Variants in FMNL2 observed in about 807,000 individuals in gnomAD.
FMNL2 encodes the protein formin like 2.
A neutral mutation model predicts 130.2 loss-of-function variants in FMNL2; 51 were observed. The observed-to-expected ratio is 0.39, with a 90% CI of 0.31 to 0.49. The LOEUF (loss-of-function observed/expected upper bound fraction) is 0.49, where lower values mean the gene tolerates loss of function less well. FMNL2 is among the 20% of genes least tolerant of loss of function. The pLI, the probability that FMNL2 is intolerant of heterozygous loss-of-function variation, is 0.85. For synonymous variants in FMNL2, 465 were observed against 467.1 expected (o/e 1.00, Z 0.06); for missense variants, 977 against 1,316.2 (o/e 0.74, Z 3.99).
At chr2:152,507,493 C>A (rs951857282) in intron 1 of FMNL2, among the ~76,000 whole-genome samples, 1 of 152,158 alleles carries the variant, frequency 6.6e-6, no homozygotes, top group Non-Finnish European at 1.5e-5. Flanking sequence ...AACAATCCTG[C>A]TATATAAAGC....
intron 1 of FMNL2, among the ~76,000 whole-genome samples, chr2:152,419,764 C>T (rs868841310): frequency 3.9e-5 from 6 of 152,136 alleles, no homozygotes; most frequent in Middle Eastern, 3.4e-3. Flanking sequence ...CCCCTGAGAC[C>T]ACCCCAGGAG....
intron 1 of FMNL2, among the ~76,000 whole-genome samples, chr2:152,385,323 A>G (rs1306266217): frequency 6.6e-6 from 1 of 152,220 alleles, no homozygotes; most frequent in African/African-American, 2.4e-5. Flanking sequence ...CATTCATAGA[A>G]GGCAGTTTGT....
intron 25 of FMNL2, chr2:152,643,520 C>G (rs1287766331): frequency 4.6e-6 from 7 of 1,535,982 alleles, no homozygotes; most frequent in Admixed American, 3.9e-5. Context: ...AACTATTACT[C>G]TTTCTCACCT....
intron 21 of FMNL2, among the ~76,000 whole-genome samples, chr2:152,634,835 G>A (rs1404981055): frequency 1.3e-5 from 2 of 152,128 alleles, no homozygotes; most frequent in Non-Finnish European, 2.9e-5. Flanking sequence ...GATTTGCTGA[G>A]CATACTTCTC....
chr2:152,616,584 G>T (rs1403112689), intron 12 of FMNL2, among the ~76,000 whole-genome samples: 1 of 151,950 alleles, frequency 6.6e-6, no homozygotes, highest in African/African-American at 2.4e-5. Context: ...CGCCCACCTT[G>T]GCCTCCCAAA....
intron 1 of FMNL2, among the ~76,000 whole-genome samples, chr2:152,404,354 A>C (rs1036673802): frequency 3.9e-5 from 6 of 152,190 alleles, no homozygotes; most frequent in Non-Finnish European, 1.5e-5. Flanking sequence ...ATCCCATAGC[A>C]TTGCAGTGGT....
At chr2:152,603,135 G>A (rs142588299) in intron 9 of FMNL2, among the ~76,000 whole-genome samples, 2 of 152,268 alleles carry the variant, frequency 1.3e-5, no homozygotes, top group Non-Finnish European at 2.9e-5. Context: ...GAAACAAAGT[G>A]GGGCTCTGGA....
intron 1 of FMNL2, among the ~76,000 whole-genome samples, chr2:152,448,217 A>C (rs1558871485): frequency 1.3e-5 from 2 of 150,752 alleles, no homozygotes; most frequent in Non-Finnish European, 1.5e-5. Context: ...AAAAAAAAAA[A>C]CACATAATAA....
In FMNL2 at chr2:152,601,593, G is replaced by A. The variant is rs142795949; in HGVS notation, c.877-5746G>A. 1.1e-3 allele frequency among the ~76,000 whole-genome samples: 157 copies of A among 147,962 alleles called. 1 individual carries two copies. In the East Asian group the frequency reaches 0.031, roughly 29 times the overall value. The stretch of plus-strand genomic sequence containing the variant: ...TGGGATTACAGGCATGAGCCACCGC[G>A]CCGGCCGATTGCTTTCTTAAAGTAT... On this transcript the variant is annotated intron_variant, in intron 9 of 25. Coordinates refer to ENST00000288670, the MANE Select transcript of FMNL2 (RefSeq NM_052905.4).
intron 1 of FMNL2, among the ~76,000 whole-genome samples, chr2:152,358,220 G>A (rs994427151): frequency 1.2e-4 from 18 of 152,116 alleles, no homozygotes; most frequent in African/African-American, 4.3e-4. Flanking sequence ...AGGGGCTCTC[G>A]GGCATTTGGC....
intron 1 of FMNL2, among the ~76,000 whole-genome samples, chr2:152,433,129 A>G (rs992270494): frequency 6.6e-6 from 1 of 152,206 alleles, no homozygotes; most frequent in African/African-American, 2.4e-5. Context: ...ACTTAATTTT[A>G]TATCACAAGA....
At chr2:152,560,044 G>T (rs1319459921) in intron 5 of FMNL2, among the ~76,000 whole-genome samples, 1 of 151,912 alleles carries the variant, frequency 6.6e-6, no homozygotes, top group East Asian at 1.9e-4. Flanking sequence ...ATGTATTATT[G>T]TTTTTTCTTC....
At chr2:152,466,148 G>A (rs1689521262) in intron 1 of FMNL2, among the ~76,000 whole-genome samples, 1 of 152,160 alleles carries the variant, frequency 6.6e-6, no homozygotes, top group Non-Finnish European at 1.5e-5. Context: ...AGAGCATATA[G>A]CAGGTGTGGT....
intron 15 of FMNL2, 48 bp downstream of exon 15, chr2:152,619,766 C>T (rs778582574): frequency 1.9e-6 from 3 of 1,573,848 alleles, no homozygotes; most frequent in Admixed American, 1.9e-5. Flanking sequence ...GAAATGCTGT[C>T]TTATCTCGGA....
intron 1 of FMNL2, among the ~76,000 whole-genome samples, chr2:152,413,245 C>T (rs1330069604): frequency 6.6e-6 from 1 of 152,002 alleles, no homozygotes; most frequent in African/African-American, 2.4e-5. Context: ...ATTTATTCAC[C>T]AGTCATTGTG....
At chr2:152,372,943 T>C (rs1683965466) in intron 1 of FMNL2, among the ~76,000 whole-genome samples, 2 of 152,254 alleles carry the variant, frequency 1.3e-5, no homozygotes, top group South Asian at 4.1e-4. Flanking sequence ...ATGAGTGCTC[T>C]GTTCTTATCG....
intron 1 of FMNL2, among the ~76,000 whole-genome samples, chr2:152,469,633 C>T (rs1317830899): frequency 6.6e-6 from 1 of 152,172 alleles, no homozygotes; most frequent in African/African-American, 2.4e-5. Context: ...CTCCTGTGTC[C>T]TTATGCTCCG....
At chr2:152,464,099 AT>A (rs1689395965) in intron 1 of FMNL2, among the ~76,000 whole-genome samples, 1 of 152,004 alleles carries the variant, frequency 6.6e-6, no homozygotes, top group Non-Finnish European at 1.5e-5. Flanking sequence ...TGCCTGGCTA[AT>A]TTTTTATTTT....
In FMNL2 at chr2:152,410,109, T is replaced by C. The variant is rs148394054; in HGVS notation, c.117+74389T>C. On this transcript the variant is annotated intron_variant, in intron 1 of 25. Transcript: ENST00000288670. ...ACTCTTCTTCCTAGAGAACAGCCAA[T>C]AGTCTTTCATCAGTGTTGATTTCAT... Among the ~76,000 whole-genome samples the C allele has an allele frequency of 3.7e-3, 564 of 152,324 alleles. 2 individuals carry two copies. Among genetic ancestry groups the C allele is most frequent in the Middle Eastern group, 0.01 (3 of 292 alleles).
Sources: gnomAD v4.1 joint callset for allele counts (sites outside exome capture counted in the v4.1 genomes callset) on GRCh38, gnomAD v4.1.1 for gene constraint, MANE v1.5 for transcripts, NCBI Gene and HGNC (gene_info 2026-07-23, HGNC 2026-07-21) for gene names.